Variants in ARIH1 observed in about 807,000 individuals in gnomAD.
ARIH1 encodes ariadne RBR E3 ubiquitin protein ligase 1, also known as E3 ubiquitin-protein ligase ARIH1.
A neutral mutation model predicts 85.0 loss-of-function variants in ARIH1; 8 were observed. That is an observed-to-expected ratio of 0.09 (90% CI 0.06 to 0.17). ARIH1 has a LOEUF of 0.17. ARIH1 is among the 10% of genes least tolerant of loss of function. ARIH1 has a pLI of 1.00. For synonymous variants in ARIH1, 238 were observed against 253.6 expected (o/e 0.94, Z 0.59); for missense variants, 311 against 718.1 (o/e 0.43, Z 6.48).
chr15:72,483,280 C>T (rs1170588851), intron 1 of ARIH1, among the ~76,000 whole-genome samples: 1 of 152,208 alleles, frequency 6.6e-6, no homozygotes, highest in Non-Finnish European at 1.5e-5. Flanking sequence ...AGTTCCTTGC[C>T]ATGTGGGCCT....
Position 72,594,772 on chromosome 15 carries a change from A to C in ARIH1, c.*11480A>C, listed in dbSNP as rs1350734667. On this transcript the variant is annotated 3_prime_UTR_variant, in exon 14 of 14. Coordinates refer to ENST00000379887, the MANE Select transcript of ARIH1 (RefSeq NM_005744.5). ...ATACACAACAGTGTAGTCTGCAAAT[A>C]ATGTTTTTACTTCTTTTTCTGATTT... 7.0e-6 allele frequency: 1 copy of C among 142,342 alleles called. No homozygotes were observed. The highest frequency in any genetic ancestry group is 1.5e-5 in the Non-Finnish European group (1 of 67,334). 8.8% of individuals were successfully genotyped at this position (142,342 alleles called of 1,614,324 possible).
At chr15:72,511,521 T>C (rs528516020) in intron 1 of ARIH1, among the ~76,000 whole-genome samples, 303 of 152,254 alleles carry the variant, frequency 2.0e-3, no homozygotes, top group African/African-American at 7.0e-3. Context: ...GCCAGGCTGG[T>C]CTTGAACTCC....
intron 11 of ARIH1, among the ~76,000 whole-genome samples, chr15:72,577,033 A>T (rs935645915): frequency 6.6e-6 from 1 of 150,488 alleles, no homozygotes; most frequent in Non-Finnish European, 1.5e-5. Context: ...CTCAGGCTGG[A>T]GTGCCAGTGG....
chr15:72,549,499 C>G (rs1197946773), intron 3 of ARIH1, among the ~76,000 whole-genome samples: 1 of 152,144 alleles, frequency 6.6e-6, no homozygotes, highest in Non-Finnish European at 1.5e-5. Flanking sequence ...ATCCCGTCCC[C>G]CATTCCTGAA....
intron 1 of ARIH1, among the ~76,000 whole-genome samples, chr15:72,480,123 C>A (rs921736825): frequency 6.6e-6 from 1 of 152,074 alleles, no homozygotes; most frequent in African/African-American, 2.4e-5. Context: ...CCCACCTCGG[C>A]CTGCCAAAGT....
intron 1 of ARIH1, among the ~76,000 whole-genome samples, chr15:72,504,370 G>A (rs1291983472): frequency 2.6e-5 from 4 of 152,068 alleles, no homozygotes; most frequent in African/African-American, 7.2e-5. Flanking sequence ...CCTTTTTTGG[G>A]TACCTGCACT....
intron 1 of ARIH1, among the ~76,000 whole-genome samples, chr15:72,498,665 G>A (rs770902979): frequency 1.3e-5 from 2 of 152,012 alleles, no homozygotes; most frequent in African/African-American, 2.4e-5. Flanking sequence ...CCAACATGGC[G>A]AAACCCCGTC....
chr15:72,519,473 T>TTG (rs1223294947), intron 2 of ARIH1, among the ~76,000 whole-genome samples: 34 of 120,476 alleles, frequency 2.8e-4, no homozygotes, highest in African/African-American at 9.8e-4. Context: ...CATGTTTTTT[T>TTG]TGTTTTTTTT....
At chr15:72,509,252 A>G (rs1447095966) in intron 1 of ARIH1, among the ~76,000 whole-genome samples, 2 of 152,110 alleles carry the variant, frequency 1.3e-5, no homozygotes, top group African/African-American at 4.8e-5. Context: ...GGTCTCCCAA[A>G]GTGGTGGGAT....
rs747855316 is a variant in ARIH1, at chr15:72,587,338, CTA to C, written c.*4048_*4049del. ...TTGTACTTTTAAACCACATTAAAGA[CTA>C]TTATAAATGCCTATCACTGCTACTG... is the stretch of plus-strand genomic sequence containing the variant. On this transcript the variant is annotated 3_prime_UTR_variant, in exon 14 of 14. Coordinates refer to ENST00000379887, the MANE Select transcript of ARIH1 (RefSeq NM_005744.5). 6.2e-6 allele frequency: 3 copies of C among 486,056 alleles called. No individual in the cohort carries two copies. The highest frequency in any genetic ancestry group is 2.2e-5 in the Admixed American group (1 of 45,868). The allele number at this position is 486,056 out of a possible 1,614,324, so 30.1% of individuals were successfully genotyped here.
At chr15:72,490,262 C>A (rs1000410313) in intron 1 of ARIH1, among the ~76,000 whole-genome samples, 3 of 151,672 alleles carry the variant, frequency 2.0e-5, no homozygotes, top group Non-Finnish European at 4.4e-5. Context: ...AAAAAAGTCT[C>A]CTTCTCTTAC....
chr15:72,485,675 A>AC (rs796368558), intron 1 of ARIH1, among the ~76,000 whole-genome samples: 5 of 151,542 alleles, frequency 3.3e-5, no homozygotes, highest in African/African-American at 1.2e-4. Context: ...AGGTTAATCA[A>AC]CCCCCCTTTC....
chr15:72,547,576 A>G (rs1486665336), intron 3 of ARIH1, among the ~76,000 whole-genome samples: 5 of 152,168 alleles, frequency 3.3e-5, no homozygotes, highest in East Asian at 1.9e-4. Flanking sequence ...TACTCTTTCA[A>G]TTTTCTTCCA....
At chr15:72,569,663 T>C (rs1241339240) in intron 9 of ARIH1, among the ~76,000 whole-genome samples, 1 of 152,198 alleles carries the variant, frequency 6.6e-6, no homozygotes, top group African/African-American at 2.4e-5. Context: ...GTACATGGGA[T>C]ATGGGAAGTA....
rs932614310 is a variant in ARIH1 at position 72,512,518 on chromosome 15, C to CT, written c.376-5538dup. Among the ~76,000 whole-genome samples, 322 of 129,942 alleles carry CT rather than the reference C, an allele frequency of 2.5e-3. 2 individuals are homozygous for CT. Among genetic ancestry groups the CT allele is most frequent in the African/African-American group, 7.5e-3 (266 of 35,432 alleles). The allele number at this position is 129,942 out of a possible 152,430, so 85.2% of individuals were successfully genotyped here. A position where few individuals can be genotyped will look rare whatever the true frequency, so the allele number is the denominator to read the frequency against. ...TTTGGTTTTGTTTCTCGGTTTTTTT[C>CT]TTTTTTTTTTTCCTTTTTAATTTCA... On this transcript the variant is annotated intron_variant, in intron 1 of 13. Transcript: ENST00000379887.
intron 2 of ARIH1, among the ~76,000 whole-genome samples, chr15:72,534,974 A>G (rs2064074960): frequency 4.7e-5 from 1 of 21,242 alleles, no homozygotes; most frequent in Non-Finnish European, 4.0e-3. Flanking sequence ...TTTTTTTGAG[A>G]CGGAGTCTCG....
intron 5 of ARIH1, among the ~76,000 whole-genome samples, chr15:72,556,798 A>G (rs181105769): frequency 6.6e-6 from 1 of 152,334 alleles, no homozygotes; most frequent in Non-Finnish European, 1.5e-5. Context: ...GCTCTCACTT[A>G]TAAATGAGAA....
intron 1 of ARIH1, among the ~76,000 whole-genome samples, chr15:72,489,209 C>G (rs2140395269): frequency 7.6e-6 from 1 of 130,994 alleles, no homozygotes; most frequent in South Asian, 2.5e-4. Flanking sequence ...GATTGTGCTA[C>G]TGCACTCCAG....
chr15:72,498,322 A>T (rs558013515), intron 1 of ARIH1, among the ~76,000 whole-genome samples: 1 of 152,070 alleles, frequency 6.6e-6, no homozygotes, highest in Admixed American at 6.5e-5. Flanking sequence ...GCAAGTTGCT[A>T]TTTTTTCCTT....
Sources: gnomAD v4.1 joint callset for allele counts (sites outside exome capture counted in the v4.1 genomes callset) on GRCh38, gnomAD v4.1.1 for gene constraint, MANE v1.5 for transcripts, NCBI Gene and HGNC (gene_info 2026-07-23, HGNC 2026-07-21) for gene names.